PDZRN4: variants seen among roughly 807,000 people sequenced by gnomAD.
PDZRN4 encodes the protein PDZ domain containing ring finger 4.
Under a neutral mutation model 99.0 loss-of-function variants are expected in PDZRN4, and 70 were observed. The observed-to-expected ratio is 0.71, with a 90% CI of 0.58 to 0.86. PDZRN4 has a LOEUF of 0.86. PDZRN4 is among the 40% of genes least tolerant of loss of function. The pLI is 0.00. For missense variants in PDZRN4, 1,474 were observed against 1,331.2 expected (o/e 1.11, Z -1.67); for synonymous variants, 551 against 501.6 (o/e 1.10, Z -1.32).
At chr12:41,254,025 ATGTGTGTGCGTGTGTGTGTGTGTGTG>A (rs1329464908) in intron 3 of PDZRN4, among the ~76,000 whole-genome samples, 1 of 63,908 alleles carries the variant, frequency 1.6e-5, no homozygotes, top group Non-Finnish European at 3.5e-5. Context: ...ATATATATAT[ATGTGTGTGCGTGTGTGTGTGTGTGTG>A]TGTGTTTGCG....
chr12:41,263,169 A>G (rs1231842492), intron 3 of PDZRN4, among the ~76,000 whole-genome samples: 1 of 152,160 alleles, frequency 6.6e-6, no homozygotes, highest in Non-Finnish European at 1.5e-5. Context: ...ATATAAAATG[A>G]ATTAGTCATG....
chr12:41,369,334 T>C (rs1476619768), intron 3 of PDZRN4, among the ~76,000 whole-genome samples: 2 of 152,224 alleles, frequency 1.3e-5, no homozygotes, highest in African/African-American at 4.8e-5. Context: ...GTTCTCTTAA[T>C]TTCTTTCTTT....
chr12:41,233,788 T>C (rs1432242839), intron 3 of PDZRN4, among the ~76,000 whole-genome samples: 1 of 150,922 alleles, frequency 6.6e-6, no homozygotes, highest in Non-Finnish European at 1.5e-5. Context: ...AGGACTGTTG[T>C]GTGGTGGGGG....
rs1488636577 is a variant in PDZRN4 at position 41,523,580 on chromosome 12, CAG to C, written c.1203+13668_1203+13669del. Among the ~76,000 whole-genome samples the C allele has an allele frequency of 2.0e-4, 30 of 152,154 alleles. 1 individual carries two copies. The highest frequency in any genetic ancestry group is 7.0e-4 in the African/African-American group (29 of 41,548). ...GAGACTGTCTCAGGTACTGGGAACA[CAG>C]GGGGCAACAACATGGTGCCACTGCT... On this transcript the variant is annotated intron_variant, in intron 5 of 9. Transcript: ENST00000402685.
chr12:41,194,119 T>A lies in PDZRN4; in HGVS notation c.774T>A (p.Val258=). Reference sequence around the variant, plus strand: ...GAACATCGACTGAAGGAATTTACGTTTCAAAAATTTTAGAAAATGGACCTG... The same window carrying A: ...GAACATCGACTGAAGGAATTTACGTATCAAAAATTTTAGAAAATGGACCTG... ...QEGTSTEGIY[V]SKILENGPAD... The change falls in exon 3 of 10, where the codon GTT becomes GTA. Residue 258 remains valine (V), a synonymous_variant. Transcript: ENST00000402685. The A allele has an allele frequency of 6.4e-7, 1 of 1,567,180 alleles. No homozygotes were observed. The highest frequency in any genetic ancestry group is 1.3e-5 in the African/African-American group (1 of 74,394).
intron 3 of PDZRN4, among the ~76,000 whole-genome samples, chr12:41,376,641 G>A (rs1205703487): frequency 6.6e-6 from 1 of 152,088 alleles, no homozygotes; most frequent in African/African-American, 2.4e-5. Flanking sequence ...CATTTGTCAG[G>A]TATATGGTTT....
At chr12:41,495,174 A>C (rs1937973020) in intron 3 of PDZRN4, among the ~76,000 whole-genome samples, 1 of 151,980 alleles carries the variant, frequency 6.6e-6, no homozygotes, top group Non-Finnish European at 1.5e-5. Context: ...AAACAGAGAG[A>C]GAGATTGAAT....
intron 3 of PDZRN4, among the ~76,000 whole-genome samples, chr12:41,461,483 A>G (rs1265787409): frequency 6.6e-6 from 1 of 152,162 alleles, no homozygotes; most frequent in African/African-American, 2.4e-5. Flanking sequence ...TTTGCTAAGG[A>G]TAACAGCCTA....
chr12:41,271,691 T>C (rs369797005), intron 3 of PDZRN4, among the ~76,000 whole-genome samples: 2 of 152,130 alleles, frequency 1.3e-5, no homozygotes, highest in African/African-American at 4.8e-5. Context: ...GCACTCCACA[T>C]GCATTTGCCG....
At chr12:41,325,824 A>G (rs1362632563) in intron 3 of PDZRN4, among the ~76,000 whole-genome samples, 2 of 152,238 alleles carry the variant, frequency 1.3e-5, no homozygotes, top group East Asian at 1.9e-4. Context: ...TAAGAAATAA[A>G]TAGACTTAAA....
At chr12:41,309,931 T>C (rs983554499) in intron 3 of PDZRN4, among the ~76,000 whole-genome samples, 2 of 152,040 alleles carry the variant, frequency 1.3e-5, no homozygotes, top group African/African-American at 4.8e-5. Flanking sequence ...CTTCGTCCTT[T>C]CTTTTTTTAT....
chr12:41,222,032 T>G (rs1405912880), intron 3 of PDZRN4, among the ~76,000 whole-genome samples: 1 of 152,166 alleles, frequency 6.6e-6, no homozygotes, highest in Non-Finnish European at 1.5e-5. Context: ...GAAGCAGCAT[T>G]GCAATGCTCA....
intron 3 of PDZRN4, among the ~76,000 whole-genome samples, chr12:41,467,696 A>G (rs1329321903): frequency 6.6e-6 from 1 of 152,198 alleles, no homozygotes; most frequent in Non-Finnish European, 1.5e-5. Context: ...AGAGCCAGCC[A>G]TGGACTCTAG....
intron 4 of PDZRN4, among the ~76,000 whole-genome samples, chr12:41,507,201 A>G (rs934016335): frequency 2.6e-5 from 4 of 152,120 alleles, no homozygotes; most frequent in African/African-American, 9.7e-5. Flanking sequence ...TCTCTGACGA[A>G]AGCACTTACC....
chr12:41,491,650 G>T (rs1387581063), intron 3 of PDZRN4, among the ~76,000 whole-genome samples: 1 of 152,154 alleles, frequency 6.6e-6, no homozygotes, highest in Non-Finnish European at 1.5e-5. Flanking sequence ...TGTGTCAAGA[G>T]TGGCCAACTA....
intron 3 of PDZRN4, among the ~76,000 whole-genome samples, chr12:41,294,162 A>G (rs936044403): frequency 2.6e-5 from 4 of 152,148 alleles, no homozygotes; most frequent in Admixed American, 2.6e-4. Flanking sequence ...ATGCCATTGA[A>G]ATGTCCCCTT....
At chr12:41,484,911 C>A (rs562483491) in intron 3 of PDZRN4, among the ~76,000 whole-genome samples, 1 of 152,226 alleles carries the variant, frequency 6.6e-6, no homozygotes, top group African/African-American at 2.4e-5. Context: ...TGACTTGCGT[C>A]TTTTAGATTG....
At chr12:41,349,777 T>C (rs1817439777) in intron 3 of PDZRN4, among the ~76,000 whole-genome samples, 1 of 152,000 alleles carries the variant, frequency 6.6e-6, no homozygotes, top group Non-Finnish European at 1.5e-5. Flanking sequence ...AATGAGGCAT[T>C]TCATAACAGA....
chr12:41,304,623 C>G (rs553044526), intron 3 of PDZRN4, among the ~76,000 whole-genome samples: 1 of 152,090 alleles, frequency 6.6e-6, no homozygotes, highest in Non-Finnish European at 1.5e-5. Flanking sequence ...TGATATCAAC[C>G]CCAATGAGAA....
Sources: gnomAD v4.1 joint callset for allele counts (sites outside exome capture counted in the v4.1 genomes callset) on GRCh38, gnomAD v4.1.1 for gene constraint, MANE v1.5 for transcripts, NCBI Gene and HGNC (gene_info 2026-07-23, HGNC 2026-07-21) for gene names.